SAMD5: variants seen among roughly 807,000 people sequenced by gnomAD.
The protein encoded by SAMD5 is sterile alpha motif domain-containing protein 5.
Under a neutral mutation model 11.3 loss-of-function variants are expected in SAMD5, and 13 were observed. The ratio of observed to expected loss-of-function variants is 1.15; its 90% CI spans 0.75 to 1.83. The LOEUF is 1.83. SAMD5 is among the 40% of genes most tolerant of loss of function. The pLI, the probability that SAMD5 is intolerant of heterozygous loss-of-function variation, is 0.00. For missense variants in SAMD5, 255 were observed against 239.1 expected, an observed-to-expected ratio of 1.07 and a Z score of -0.44; for synonymous variants, 129 against 111.3, an observed-to-expected ratio of 1.16 and a Z score of -1.00.
intron 1 of SAMD5, among the ~76,000 whole-genome samples, chr6:147,624,015 G>A (rs568373135): frequency 3.2e-4 from 48 of 152,158 alleles, no homozygotes; most frequent in Middle Eastern, 3.4e-3. Context: ...GATTACAGGC[G>A]TGTGCCACCA....
At chr6:147,789,103 A>AC in the SAMD5 span, among the ~76,000 whole-genome samples, 1 of 115,248 alleles carries the variant, frequency 8.7e-6, no homozygotes, top group Non-Finnish European at 1.7e-5. Context: ...AAACAAACAA[A>AC]AAAAAAAACA....
intron 1 of SAMD5, among the ~76,000 whole-genome samples, chr6:147,517,133 C>T (rs539643964): frequency 1.3e-5 from 2 of 152,256 alleles, no homozygotes; most frequent in East Asian, 1.9e-4. Flanking sequence ...TCATTTCAAT[C>T]ACTAGATCCA....
the SAMD5 span, among the ~76,000 whole-genome samples, chr6:147,878,637 ATT>A: frequency 6.7e-6 from 1 of 148,276 alleles, no homozygotes; most frequent in African/African-American, 2.5e-5. Context: ...ATATCTATAT[ATT>A]TACAGAGATT....
intron 1 of SAMD5, among the ~76,000 whole-genome samples, chr6:147,516,366 C>T (rs501472): frequency 0.47 from 71,659 of 151,896 alleles, 19,656 homozygotes; most frequent in African/African-American, 0.77. Flanking sequence ...AGTGGTTCAG[C>T]GCAACAGGCT....
Position 147,680,771 on chromosome 6 carries a change from T to C in SAMD5, c.163-56546T>C, listed in dbSNP as rs192389417. On this transcript the variant is annotated intron_variant, in intron 1 of 1. Transcript: ENST00000566741. ...TTCTGAATCTACATTGTTGGTCATA[T>C]GGTTTTTCTTTCGTGGTCCTTTAAC... Among the ~76,000 whole-genome samples, 133 of 152,268 alleles carry C rather than the reference T, an allele frequency of 8.7e-4. 1 individual carries two copies. The highest frequency in any genetic ancestry group is 1.5e-3 in the Non-Finnish European group (101 of 67,986).
the SAMD5 span, among the ~76,000 whole-genome samples, chr6:147,757,107 C>T: frequency 6.6e-6 from 1 of 152,330 alleles, no homozygotes; most frequent in Non-Finnish European, 1.5e-5. Flanking sequence ...TTGAAACATG[C>T]TGCCATAGAT....
the SAMD5 span, among the ~76,000 whole-genome samples, chr6:147,872,026 A>C: frequency 2.0e-5 from 3 of 152,346 alleles, no homozygotes; most frequent in South Asian, 4.1e-4. Flanking sequence ...TTACCTACTG[A>C]GAAGAATCAT....
At chr6:147,619,853 G>A (rs1426484549) in intron 1 of SAMD5, among the ~76,000 whole-genome samples, 1 of 152,172 alleles carries the variant, frequency 6.6e-6, no homozygotes, top group Non-Finnish European at 1.5e-5. Flanking sequence ...CTGATACCCA[G>A]TCCTGAGAGT....
the SAMD5 span, among the ~76,000 whole-genome samples, chr6:147,874,517 C>T: frequency 6.6e-6 from 1 of 151,808 alleles, no homozygotes; most frequent in Non-Finnish European, 1.5e-5. Flanking sequence ...CTCAGGACAG[C>T]CGGCCCTCCG....
intron 1 of SAMD5, among the ~76,000 whole-genome samples, chr6:147,553,650 G>A (rs539015518): frequency 3.2e-4 from 49 of 152,226 alleles, no homozygotes; most frequent in Admixed American, 2.8e-3. Context: ...AATGGGTAAG[G>A]TCTCCAATGC....
chr6:147,743,173 C>G, the SAMD5 span: 11 of 152,066 alleles, frequency 7.2e-5, no homozygotes, highest in Admixed American at 3.9e-4. Flanking sequence ...AAATTTGTAC[C>G]TGAATTTGGG....
chr6:147,584,232 C>A (rs1292627043), intron 1 of SAMD5, among the ~76,000 whole-genome samples: 4 of 152,088 alleles, frequency 2.6e-5, no homozygotes, highest in East Asian at 1.9e-4. Flanking sequence ...ACAAGTAACA[C>A]CCTAAGCATT....
chr6:147,537,705 G>A (rs1788532950), intron 1 of SAMD5, among the ~76,000 whole-genome samples: 1 of 151,458 alleles, frequency 6.6e-6, no homozygotes, highest in African/African-American at 2.4e-5. Context: ...GCAGTGAGCC[G>A]AGATCCACTC....
intron 1 of SAMD5, among the ~76,000 whole-genome samples, chr6:147,710,621 C>A (rs1001738372): frequency 6.6e-6 from 1 of 151,972 alleles, no homozygotes; most frequent in Non-Finnish European, 1.5e-5. Flanking sequence ...AATAATGGCC[C>A]CAAAGTGCAG....
At chr6:147,579,282 A>G (rs1194416099) in intron 1 of SAMD5, among the ~76,000 whole-genome samples, 6 of 152,212 alleles carry the variant, frequency 3.9e-5, no homozygotes, top group African/African-American at 1.2e-4. Flanking sequence ...GAAGATGTAT[A>G]TAACTGAGAT....
At chr6:147,840,944 T>C in the SAMD5 span, among the ~76,000 whole-genome samples, 13 of 152,234 alleles carry the variant, frequency 8.5e-5, no homozygotes, top group Non-Finnish European at 2.9e-5. Flanking sequence ...GAGTTTTGTT[T>C]ATACGTATAT....
At chr6:147,519,491 G>T (rs976782439) in intron 1 of SAMD5, among the ~76,000 whole-genome samples, 31 of 152,266 alleles carry the variant, frequency 2.0e-4, no homozygotes, top group African/African-American at 7.5e-4. Flanking sequence ...CTTGCAGTTT[G>T]TATTGTTTCA....
chr6:147,594,469 A>G (rs941532480), intron 1 of SAMD5, among the ~76,000 whole-genome samples: 1 of 152,230 alleles, frequency 6.6e-6, no homozygotes, highest in Non-Finnish European at 1.5e-5. Context: ...AGTAGCAGAC[A>G]TAATTGAGAC....
chr6:147,513,734 G>A (rs181110934), intron 1 of SAMD5, among the ~76,000 whole-genome samples: 1 of 152,228 alleles, frequency 6.6e-6, no homozygotes, highest in African/African-American at 2.4e-5. Context: ...GATTGACAAG[G>A]GTAAGCAGAG....
Sources: gnomAD v4.1 joint callset for allele counts (sites outside exome capture counted in the v4.1 genomes callset) on GRCh38, gnomAD v4.1.1 for gene constraint, MANE v1.5 for transcripts, NCBI Gene and HGNC (gene_info 2026-07-23, HGNC 2026-07-21) for gene names.